The following WDPCP variants were observed in gnomAD, a reference collection of about 807,000 sequenced individuals.
WDPCP encodes the protein WD repeat containing planar cell polarity effector.
WDPCP carries 71 observed loss-of-function variants against 93.1 expected under a neutral mutation model. That is an observed-to-expected ratio of 0.76 (90% CI 0.63 to 0.93). The LOEUF is 0.93. Among genes scored for constraint, WDPCP ranks in the 40% least tolerant of loss-of-function variants. The pLI, the probability that WDPCP is intolerant of heterozygous loss-of-function variation, is 0.00. For missense variants in WDPCP, 844 were observed against 887.4 expected (o/e 0.95, Z 0.62); for synonymous variants, 315 against 315.0 (o/e 1.00, Z 0.00).
chr2:63,642,938 A>G (rs1329504130), intron 3 of WDPCP: 1 of 152,178 alleles, frequency 6.6e-6, no homozygotes, highest in African/African-American at 2.4e-5. Context: ...CCCATTTAGT[A>G]TGATACTAGC....
intron 8 of WDPCP, among the ~76,000 whole-genome samples, chr2:63,436,963 T>C: frequency 6.6e-6 from 1 of 152,042 alleles, no homozygotes; most frequent in Non-Finnish European, 1.5e-5. Flanking sequence ...GGGGGAGGGT[T>C]CTTCCCCCTC....
At chr2:63,518,166 G>A (rs62179364) in intron 1 of WDPCP, 2 of 152,406 alleles carry the variant, frequency 1.3e-5, no homozygotes, top group Non-Finnish European at 2.9e-5. Context: ...GGGATTATGA[G>A]TATGAGCCAC....
At chr2:63,476,748 T>A (rs983714557) in intron 6 of WDPCP, among the ~76,000 whole-genome samples, 1 of 152,204 alleles carries the variant, frequency 6.6e-6, no homozygotes, top group African/African-American at 2.4e-5. Flanking sequence ...AAACATGGTA[T>A]GTCTATTATT....
intron 3 of WDPCP, among the ~76,000 whole-genome samples, chr2:63,618,424 A>G (rs1709695978): frequency 6.6e-6 from 1 of 152,170 alleles, no homozygotes; most frequent in Non-Finnish European, 1.5e-5. Flanking sequence ...TCACCAATTT[A>G]TTATTAAGAA....
At chr2:63,607,615 C>T (rs940856495) in intron 3 of WDPCP, among the ~76,000 whole-genome samples, 1 of 151,316 alleles carries the variant, frequency 6.6e-6, no homozygotes, top group South Asian at 2.1e-4. Context: ...CGGATCACTA[C>T]GTCAGGAGAT....
intron 6 of WDPCP, among the ~76,000 whole-genome samples, chr2:63,444,816 T>C (rs952996689): frequency 2.0e-5 from 3 of 152,192 alleles, no homozygotes; most frequent in African/African-American, 4.8e-5. Flanking sequence ...TTCTTCTTCT[T>C]TGACACCCCG....
At chr2:63,321,424 G>A (rs1306418768) in intron 12 of WDPCP, among the ~76,000 whole-genome samples, 1 of 126,162 alleles carries the variant, frequency 7.9e-6, no homozygotes, top group Non-Finnish European at 1.7e-5. Flanking sequence ...GTGTGTGTGT[G>A]TATCCACCCA....
intron 14 of WDPCP, among the ~76,000 whole-genome samples, chr2:63,234,586 C>G (rs1679218303): frequency 6.6e-6 from 1 of 152,132 alleles, no homozygotes; most frequent in South Asian, 2.1e-4. Flanking sequence ...ATCAAGAAAG[C>G]TGTGGCTGGC....
At chr2:63,217,592 G>A (rs2104457727) in intron 14 of WDPCP, among the ~76,000 whole-genome samples, 1 of 152,208 alleles carries the variant, frequency 6.6e-6, no homozygotes, top group Middle Eastern at 3.4e-3. Flanking sequence ...AACAAATAAA[G>A]TATTTGAAAT....
intron 3 of WDPCP, among the ~76,000 whole-genome samples, chr2:63,644,924 C>T (rs114343821): frequency 6.6e-6 from 1 of 151,958 alleles, no homozygotes; most frequent in Non-Finnish European, 1.5e-5. Context: ...AAAGGTTTAT[C>T]CATTTTGTTT....
At chr2:63,639,901 T>C (rs1170330196) in intron 3 of WDPCP, among the ~76,000 whole-genome samples, 1 of 152,174 alleles carries the variant, frequency 6.6e-6, no homozygotes, top group Non-Finnish European at 1.5e-5. Context: ...ATGGAAACAA[T>C]ACTGCAGTTT....
chr2:63,624,817 C>T (rs1055233138), intron 3 of WDPCP, among the ~76,000 whole-genome samples: 1 of 152,198 alleles, frequency 6.6e-6, no homozygotes, highest in African/African-American at 2.4e-5. Flanking sequence ...GGACGCTTCC[C>T]TAACTCATTT....
intron 2 of WDPCP, among the ~76,000 whole-genome samples, chr2:63,795,898 GGTACCCATTCCC>G (rs1670608179): frequency 6.6e-6 from 1 of 152,136 alleles, no homozygotes; most frequent in South Asian, 2.1e-4. Flanking sequence ...CTTTTGTTCA[GGTACCCATTCCC>G]TTCTATGTGT....
At chr2:63,212,694 C>T (rs1168721346) in intron 14 of WDPCP, among the ~76,000 whole-genome samples, 3 of 151,928 alleles carry the variant, frequency 2.0e-5, no homozygotes, top group Admixed American at 2.0e-4. Context: ...AGAGTCAAGA[C>T]CCATCAATGT....
intron 1 of WDPCP, among the ~76,000 whole-genome samples, chr2:63,517,483 C>A (rs1702629184): frequency 6.6e-6 from 1 of 151,988 alleles, no homozygotes; most frequent in African/African-American, 2.4e-5. Context: ...TAAATGTATC[C>A]CACAGATGAA....
chr2:63,724,213 TCTAC>T (rs1669466696), intron 2 of WDPCP, among the ~76,000 whole-genome samples: 1 of 152,204 alleles, frequency 6.6e-6, no homozygotes, highest in South Asian at 2.1e-4. Context: ...CATAAATATA[TCTAC>T]CTTTAACAAC....
At chr2:63,484,779 T>C (rs1575505868) in intron 5 of WDPCP, 116 bp from the exon 6 acceptor site, 1 of 1,507,306 alleles carries the variant, frequency 6.6e-7, no homozygotes, top group Non-Finnish European at 9.1e-7. Context: ...AAGATCCAAC[T>C]GTTTTGGAAC....
intron 9 of WDPCP, among the ~76,000 whole-genome samples, chr2:63,410,714 G>A (rs1476047130): frequency 6.6e-6 from 1 of 152,104 alleles, no homozygotes; most frequent in Admixed American, 6.5e-5. Context: ...TCATGCAAAT[G>A]GACACCAAAG....
intron 3 of WDPCP, chr2:63,604,569 T>C: frequency 1.3e-6 from 1 of 740,778 alleles, no homozygotes; most frequent in East Asian, 2.7e-5. Flanking sequence ...CAAGTCAATA[T>C]AACTCTTGTG....
Sources: allele counts gnomAD v4.1 joint callset (sites outside exome capture counted in the v4.1 genomes callset), GRCh38; gene constraint gnomAD v4.1.1; transcripts MANE v1.5; gene names NCBI Gene and HGNC (gene_info 2026-07-23, HGNC 2026-07-21).